Variants in CFAP20DC observed in about 807,000 individuals in gnomAD.
The protein encoded by CFAP20DC is protein CFAP20DC.
Under a neutral mutation model 101.7 loss-of-function variants are expected in CFAP20DC, and 84 were observed. That is an observed-to-expected ratio of 0.83 (90% CI 0.69 to 0.99). CFAP20DC has a LOEUF of 0.99. Among genes scored for constraint, CFAP20DC ranks in the 50% least tolerant of loss-of-function variants. The pLI is 0.00. For synonymous variants in CFAP20DC, 359 were observed against 351.2 expected, an observed-to-expected ratio of 1.02 and a Z score of -0.25; for missense variants, 1,007 against 970.3, an observed-to-expected ratio of 1.04 and a Z score of -0.50.
intron 14 of CFAP20DC, among the ~76,000 whole-genome samples, chr3:58,816,268 C>T (rs188328901): frequency 1.7e-4 from 26 of 152,206 alleles, no homozygotes; most frequent in Admixed American, 1.2e-3. Context: ...GAACAAAAAA[C>T]CAAACACCGC....
At chr3:59,031,659 C>T (rs1294808656) in intron 4 of CFAP20DC, among the ~76,000 whole-genome samples, 5 of 152,098 alleles carry the variant, frequency 3.3e-5, no homozygotes, top group Non-Finnish European at 7.4e-5. Context: ...CTGAATAAAA[C>T]AAACGTATAA....
At chr3:59,030,712 A>T (rs1380216898) in intron 4 of CFAP20DC, among the ~76,000 whole-genome samples, 1 of 152,252 alleles carries the variant, frequency 6.6e-6, no homozygotes. Flanking sequence ...ATAAGAAAGA[A>T]GTCATCAGGT....
chr3:59,024,834 C>G (rs998716479), intron 4 of CFAP20DC, among the ~76,000 whole-genome samples: 1 of 152,040 alleles, frequency 6.6e-6, no homozygotes. Context: ...AGAACCAAAC[C>G]AGAGGAGACA....
downstream of CFAP20DC, among the ~76,000 whole-genome samples, chr3:58,740,341 C>A (rs545164144): frequency 1.3e-5 from 2 of 152,116 alleles, no homozygotes; most frequent in African/African-American, 4.8e-5. The surrounding 1 kb of genome is among the most constrained non-coding windows in gnomAD (Gnocchi z 4.6). Context: ...CCATTCCATG[C>A]GGTCCTGGGG....
chr3:58,791,865 T>A (rs2072886152), intron 15 of CFAP20DC, among the ~76,000 whole-genome samples: 1 of 152,156 alleles, frequency 6.6e-6, no homozygotes, highest in African/African-American at 2.4e-5. Context: ...ACAATGTAAA[T>A]GTTCTTGCCA....
chr3:58,738,336 C>G (rs2067804451), downstream of CFAP20DC, among the ~76,000 whole-genome samples: 1 of 152,118 alleles, frequency 6.6e-6, no homozygotes, highest in Admixed American at 6.5e-5. The surrounding 1 kb of genome is among the most constrained non-coding windows in gnomAD (Gnocchi z 4.4). Context: ...GATGCTCTCC[C>G]TCCCCTCACC....
In CFAP20DC at chr3:59,039,613, C is replaced by T. The variant is rs1576808141; in HGVS notation, c.222G>A (p.Arg74=). 6.5e-7 allele frequency: 1 copy of T among 1,526,740 alleles called. No individual in the cohort carries two copies. The highest frequency in any genetic ancestry group is 2.5e-5 in the East Asian group (1 of 40,584). The allele number at this position is 1,526,740 out of a possible 1,614,324, so 94.6% of individuals were successfully genotyped here. A position where few individuals can be genotyped will look rare whatever the true frequency, so the allele number is the denominator to read the frequency against. Residue 74 remains arginine (R), a synonymous_variant, in exon 4 of 17, where the codon AGG becomes AGA. Coordinates refer to ENST00000482387, the MANE Select transcript of CFAP20DC (RefSeq NM_001394063.1). ...GTACGTAAATCTGAAGTACAAGAAA[C>T]CTCTGGATCAATCCAACTAGAATGA... ...ENKQSLGLIQ[R]FLVLQIYVPL...
chr3:58,912,880 C>G lies in CFAP20DC; in HGVS notation c.550+828G>C, dbSNP rs1352035870. On this transcript the variant is annotated intron_variant, in intron 6 of 16. Transcript: ENST00000482387. This position sits in a 1 kb window ranked among gnomAD's most constrained non-coding sequence, Gnocchi z 4.4. ...AATTAATATGATTTCTCCCAAATGACTTCCTGAAATGTACACAGAGTAATA... is the reference window on the plus strand; with the variant it reads ...AATTAATATGATTTCTCCCAAATGAGTTCCTGAAATGTACACAGAGTAATA... The G allele has an allele frequency of 1.5e-5, 6 of 392,488 alleles. No homozygotes were observed. The highest frequency in any genetic ancestry group is 9.2e-5 in the Admixed American group (3 of 32,736). 24.3% of individuals were successfully genotyped at this position (392,488 alleles called of 1,614,324 possible). A position where few individuals can be genotyped will look rare whatever the true frequency, so the allele number is the denominator to read the frequency against.
rs935647024 is a variant in CFAP20DC at position 58,971,412 on chromosome 3, T to A, written c.279-33650A>T. ...AAAATCTGTCAAATGTTTTAAAATA[T>A]CTCCGACATTCACTCTTTAGATCTT... On this transcript the variant is annotated intron_variant, in intron 4 of 16. Transcript: ENST00000482387. This position sits in a 1 kb window ranked among gnomAD's most constrained non-coding sequence, Gnocchi z 4.1. Among the ~76,000 whole-genome samples the A allele has an allele frequency of 6.6e-6, 1 of 152,158 alleles. No homozygotes were observed. Among genetic ancestry groups the A allele is most frequent in the African/African-American group, 2.4e-5 (1 of 41,456 alleles).
At chr3:59,005,677 T>C (rs2093417336) in intron 4 of CFAP20DC, among the ~76,000 whole-genome samples, 1 of 152,224 alleles carries the variant, frequency 6.6e-6, no homozygotes, top group South Asian at 2.1e-4. Flanking sequence ...ACAATAACTG[T>C]TACATAACTA....
intron 14 of CFAP20DC, among the ~76,000 whole-genome samples, chr3:58,815,381 G>A (rs1424324451): frequency 3.4e-5 from 5 of 145,804 alleles, no homozygotes; most frequent in Non-Finnish European, 7.6e-5. Flanking sequence ...AGACTTAAAC[G>A]TTAGACCTAA....
chr3:58,936,824 A>C (rs1317326563), intron 5 of CFAP20DC, among the ~76,000 whole-genome samples: 2 of 152,096 alleles, frequency 1.3e-5, no homozygotes, highest in South Asian at 4.1e-4. Context: ...CCTAATGCTA[A>C]ATGACGAGTT....
chr3:58,815,516 A>C (rs1337165437), intron 14 of CFAP20DC, among the ~76,000 whole-genome samples: 4 of 150,824 alleles, frequency 2.7e-5, no homozygotes, highest in African/African-American at 9.8e-5. Flanking sequence ...ATGGGATCTA[A>C]TTAAACTAAA....
chr3:58,822,181 A>T (rs962462645), intron 14 of CFAP20DC, among the ~76,000 whole-genome samples: 1 of 146,962 alleles, frequency 6.8e-6, no homozygotes, highest in African/African-American at 2.5e-5. Context: ...GCATTGGGAG[A>T]TATACCTAAT....
At chr3:58,950,051 C>G (rs2089910487) in intron 4 of CFAP20DC, among the ~76,000 whole-genome samples, 1 of 152,158 alleles carries the variant, frequency 6.6e-6, no homozygotes, top group Non-Finnish European at 1.5e-5. Context: ...TCTCCTTAAG[C>G]TGATAGGCAA....
intron 14 of CFAP20DC, among the ~76,000 whole-genome samples, chr3:58,816,979 G>A (rs964372040): frequency 1.1e-4 from 16 of 152,234 alleles, no homozygotes; most frequent in Admixed American, 2.0e-4. Context: ...TGGGTCCCTG[G>A]CCCCTGACCC....
Position 58,852,685 on chromosome 3 carries a change from C to T in CFAP20DC, c.1594-3276G>A, listed in dbSNP as rs1454286194. 4.7e-5 allele frequency among the ~76,000 whole-genome samples: 7 copies of T among 150,384 alleles called. No homozygotes were observed. In the East Asian group the frequency reaches 1.4e-3, roughly 29 times the overall value. On this transcript the variant is annotated intron_variant, in intron 12 of 16. Coordinates refer to ENST00000482387, the MANE Select transcript of CFAP20DC (RefSeq NM_001394063.1). The stretch of plus-strand genomic sequence containing the variant: ...AGAACTCAGGATTAAGAATCTCACT[C>T]AAAACCGCTCAACTACATGGAAACT...
chr3:58,787,429 T>C (rs933458478), intron 15 of CFAP20DC, among the ~76,000 whole-genome samples: 2 of 151,748 alleles, frequency 1.3e-5, no homozygotes, highest in African/African-American at 4.8e-5. Context: ...GCATGGCACA[T>C]GTATACGTAT....
At chr3:58,806,344 T>C (rs757313119) in intron 15 of CFAP20DC, 51 bp downstream of exon 15, 27 of 1,238,784 alleles carry the variant, frequency 2.2e-5, no homozygotes, top group Non-Finnish European at 2.9e-5. Context: ...ATGTACAATC[T>C]TCCAACTAAG....
Sources: allele counts gnomAD v4.1 joint callset (sites outside exome capture counted in the v4.1 genomes callset), GRCh38; gene constraint gnomAD v4.1.1; non-coding constraint Gnocchi (gnomAD v3.1); transcripts MANE v1.5; gene names NCBI Gene and HGNC (gene_info 2026-07-23, HGNC 2026-07-21).